RBFOX1: variants seen among roughly 807,000 people sequenced by gnomAD.
The protein encoded by RBFOX1 is RNA binding fox-1 homolog 1, also known as RNA binding protein fox-1 homolog 1.
Under a neutral mutation model 57.7 loss-of-function variants are expected in RBFOX1, and 8 were observed. That is an observed-to-expected ratio of 0.14 (90% CI 0.08 to 0.25). The LOEUF is 0.25. Among genes scored for constraint, RBFOX1 ranks in the 10% least tolerant of loss-of-function variants. The probability of loss-of-function intolerance (pLI) is 1.00; values close to 1 mark genes in which losing one functional copy is unlikely to be tolerated. For synonymous variants in RBFOX1, 326 were observed against 222.4 expected, an observed-to-expected ratio of 1.47 and a Z score of -4.15; for missense variants, 611 against 548.5, an observed-to-expected ratio of 1.11 and a Z score of -1.14.
chr16:7,209,221 G>C (rs148595543), intron 4 of RBFOX1, among the ~76,000 whole-genome samples: 9 of 151,734 alleles, frequency 5.9e-5, no homozygotes, highest in Non-Finnish European at 1.0e-4. Context: ...TGTAATGCCA[G>C]CTACTTGGGA....
At chr16:6,163,952 C>T (rs1456652852) in intron 1 of RBFOX1, among the ~76,000 whole-genome samples, 1 of 152,142 alleles carries the variant, frequency 6.6e-6, no homozygotes, top group Non-Finnish European at 1.5e-5. Context: ...TTATGGGATA[C>T]ATATAGTAAG....
chr16:6,490,364 C>A (rs894315182), intron 2 of RBFOX1, among the ~76,000 whole-genome samples: 3 of 152,102 alleles, frequency 2.0e-5, no homozygotes, highest in Admixed American at 2.0e-4. Context: ...ATGGATGGAA[C>A]ATTTTGTATT....
rs568151030 is a variant in RBFOX1, at chr16:7,063,656, G to C, written c.27+11558G>C. ...TGCTATTGGCCCTTCATATCTGTAGGTTTCATATTTGCAGATTCAACCAAC... is the reference window on the plus strand; with the variant it reads ...TGCTATTGGCCCTTCATATCTGTAGCTTTCATATTTGCAGATTCAACCAAC... On this transcript the variant is annotated intron_variant, in intron 4 of 15. Coordinates refer to ENST00000550418, the MANE Select transcript of RBFOX1 (RefSeq NM_018723.4). Among the ~76,000 whole-genome samples the C allele has an allele frequency of 2.0e-5, 3 of 152,188 alleles. No homozygotes were observed. The South Asian group carries it at 6.2e-4, about 32-fold the overall frequency.
chr16:6,445,037 C>A (rs960738759), intron 2 of RBFOX1, among the ~76,000 whole-genome samples: 1 of 151,976 alleles, frequency 6.6e-6, no homozygotes, highest in African/African-American at 2.4e-5. Flanking sequence ...TGATGAGACC[C>A]TGTTGAGGTG....
intron 1 of RBFOX1, among the ~76,000 whole-genome samples, chr16:6,133,881 T>C (rs961514228): frequency 1.3e-5 from 2 of 152,114 alleles, no homozygotes; most frequent in Non-Finnish European, 2.9e-5. Context: ...AATTACTGTT[T>C]AGACCCCAGC....
At chr16:6,315,027 A>C (rs2152771842) in intron 1 of RBFOX1, among the ~76,000 whole-genome samples, 1 of 152,366 alleles carries the variant, frequency 6.6e-6, no homozygotes, top group South Asian at 2.1e-4. Context: ...CCAAGGGGAC[A>C]GTTCCTGACA....
At chr16:6,337,581 C>T (rs572379780) in intron 2 of RBFOX1, among the ~76,000 whole-genome samples, 1 of 152,308 alleles carries the variant, frequency 6.6e-6, no homozygotes, top group South Asian at 2.1e-4. Flanking sequence ...TTCTTACAAG[C>T]AGCCCAGTAG....
intron 2 of RBFOX1, among the ~76,000 whole-genome samples, chr16:6,622,344 C>T (rs71386438): frequency 0.27 from 40,473 of 151,930 alleles, 5,608 homozygotes; most frequent in Non-Finnish European, 0.29. Context: ...ATATTTTTAT[C>T]GTACCTTTTC....
At chr16:6,243,896 C>T (rs1041026410) in intron 1 of RBFOX1, among the ~76,000 whole-genome samples, 2 of 152,114 alleles carry the variant, frequency 1.3e-5, no homozygotes, top group African/African-American at 2.4e-5. Flanking sequence ...GTCCAGAGGC[C>T]ATTGTATCAA....
intron 3 of RBFOX1, among the ~76,000 whole-genome samples, chr16:6,662,646 G>A (rs1022072250): frequency 1.3e-5 from 2 of 151,484 alleles, no homozygotes; most frequent in Non-Finnish European, 1.5e-5. Flanking sequence ...TAATTTGGTG[G>A]TTGGTTAAAA....
intron 4 of RBFOX1, among the ~76,000 whole-genome samples, chr16:5,976,101 C>G (rs979302407): frequency 2.6e-5 from 4 of 151,888 alleles, no homozygotes; most frequent in Admixed American, 6.6e-5. Context: ...CCAAGACTCT[C>G]TAGACTGCAC....
At chr16:5,830,970 C>A (rs1020868871) in intron 3 of RBFOX1, among the ~76,000 whole-genome samples, 1 of 152,098 alleles carries the variant, frequency 6.6e-6, no homozygotes, top group Non-Finnish European at 1.5e-5. Context: ...TTTCCTATCC[C>A]CCCCCAACTC....
At chr16:6,000,782 T>A (rs1323855165) in intron 4 of RBFOX1, among the ~76,000 whole-genome samples, 1 of 146,194 alleles carries the variant, frequency 6.8e-6, no homozygotes, top group Non-Finnish European at 1.5e-5. Context: ...GGTAGATGGA[T>A]AGGTGAATAG....
At chr16:6,135,058 G>A (rs942435846) in intron 1 of RBFOX1, among the ~76,000 whole-genome samples, 12 of 151,696 alleles carry the variant, frequency 7.9e-5, no homozygotes, top group African/African-American at 2.7e-4. Context: ...AAGTGTTCTC[G>A]TTGTTCAATT....
chr16:7,552,402 G>T (rs775304504), intron 5 of RBFOX1, among the ~76,000 whole-genome samples: 1 of 152,106 alleles, frequency 6.6e-6, no homozygotes, highest in Non-Finnish European at 1.5e-5. Flanking sequence ...AAGGTGAAAA[G>T]ACTTCAGAAG....
chr16:6,253,672 T>C (rs954604612), intron 1 of RBFOX1, among the ~76,000 whole-genome samples: 1 of 53,014 alleles, frequency 1.9e-5, no homozygotes, highest in Non-Finnish European at 4.4e-5. Flanking sequence ...TGTGTGTGTG[T>C]GCATGTGTGT....
chr16:6,665,023 A>C (rs1038411883), intron 3 of RBFOX1, among the ~76,000 whole-genome samples: 2 of 152,196 alleles, frequency 1.3e-5, no homozygotes, highest in Non-Finnish European at 2.9e-5. Context: ...TAGAAAATGA[A>C]GTCAGACTAG....
intron 3 of RBFOX1, among the ~76,000 whole-genome samples, chr16:6,674,012 T>G (rs910822166): frequency 6.6e-6 from 1 of 152,124 alleles, no homozygotes; most frequent in South Asian, 2.1e-4. Context: ...TTACTTCTTT[T>G]AGAGACATGT....
At chr16:5,497,526 G>C (rs1406237611) in intron 2 of RBFOX1, among the ~76,000 whole-genome samples, 1 of 151,506 alleles carries the variant, frequency 6.6e-6, no homozygotes, top group African/African-American at 2.4e-5. Context: ...TCTAATCCCA[G>C]CACTTTGGGA....
Sources: gnomAD v4.1 joint callset for allele counts (sites outside exome capture counted in the v4.1 genomes callset) on GRCh38, gnomAD v4.1.1 for gene constraint, MANE v1.5 for transcripts, NCBI Gene and HGNC (gene_info 2026-07-23, HGNC 2026-07-21) for gene names.